Variants in MARCHF5 observed in about 807,000 individuals in gnomAD.
MARCHF5 encodes the protein membrane associated ring-CH-type finger 5.
Under a neutral mutation model 36.5 loss-of-function variants are expected in MARCHF5, and 5 were observed. The ratio of observed to expected loss-of-function variants is 0.14; its 90% CI spans 0.07 to 0.29. MARCHF5 has a LOEUF of 0.29. Among genes scored for constraint, MARCHF5 ranks in the 10% least tolerant of loss-of-function variants. The pLI is 1.00. For missense variants in MARCHF5, 179 were observed against 336.3 expected (o/e 0.53, Z 3.66); for synonymous variants, 103 against 109.9 (o/e 0.94, Z 0.39).
intron 1 of MARCHF5, among the ~76,000 whole-genome samples, chr10:92,310,461 T>G (rs911117804): frequency 2.0e-5 from 3 of 152,136 alleles, no homozygotes; most frequent in African/African-American, 7.2e-5. Flanking sequence ...CTCAATAGAA[T>G]TTTATTTTTA....
chr10:92,333,197 C>T (rs146978607), intron 2 of MARCHF5, among the ~76,000 whole-genome samples: 79 of 150,588 alleles, frequency 5.2e-4, no homozygotes, highest in African/African-American at 1.2e-3. Flanking sequence ...AAAAAATTCA[C>T]GTTTGTTGGC....
chr10:92,295,977 G>A (rs911493038), intron 1 of MARCHF5, among the ~76,000 whole-genome samples: 1 of 151,734 alleles, frequency 6.6e-6, no homozygotes, highest in Admixed American at 6.6e-5. Context: ...TCGGGTTCGC[G>A]TGATTCTCCT....
chr10:92,291,633 G>A (rs1842867201), intron 1 of MARCHF5, 104 bp downstream of exon 1: 2 of 1,416,186 alleles, frequency 1.4e-6, no homozygotes, highest in African/African-American at 3.0e-5. Flanking sequence ...CGTGCCGGGA[G>A]GAGTTCCACG....
chr10:92,322,244 C>CAA lies in MARCHF5; in HGVS notation c.238+10934_238+10935dup, dbSNP rs56391697. ...GGGCAACAAGAGCGAAACTCCGTCT[C>CAA]AAAAAAAAAAAAAAAAAAAAAAAAA... On this transcript the variant is annotated intron_variant, in intron 2 of 5. Transcript: ENST00000358935. Among the ~76,000 whole-genome samples the CAA allele has an allele frequency of 2.7e-3, 75 of 27,750 alleles. 5 individuals carry two copies. The highest frequency in any genetic ancestry group is 3.7e-3 in the Admixed American group (6 of 1,612). The allele number at this position is 27,750 out of a possible 152,430, so 18.2% of individuals were successfully genotyped here.
chr10:92,313,387 G>A (rs1397233521), intron 2 of MARCHF5, among the ~76,000 whole-genome samples: 3 of 150,604 alleles, frequency 2.0e-5, no homozygotes, highest in Non-Finnish European at 4.4e-5. Context: ...GGCAGATCAC[G>A]AGGTCAGGAG....
rs762951260 is a variant in MARCHF5 at position 92,311,195 on chromosome 10, A to G, written c.96A>G (p.Pro32=). ...EDDRTAEWVR[P]CRCRGSTKWV... is the part of the protein sequence containing the mutation. ...ATAGAACAGCTGAATGGGTGAGACC[A>G]TGCAGGTGCAGAGGATCTACAAAAT... The change falls in exon 2 of 6, where the codon CCA becomes CCG. Residue 32 remains proline, a synonymous_variant. Transcript: ENST00000358935. 3 of 1,614,182 alleles carry G rather than the reference A, an allele frequency of 1.9e-6. No homozygotes were observed. Among genetic ancestry groups the G allele is most frequent in the Non-Finnish European group, 2.5e-6 (3 of 1,180,018 alleles).
intron 2 of MARCHF5, among the ~76,000 whole-genome samples, chr10:92,331,817 C>CATAT (rs1321229175): frequency 6.7e-6 from 1 of 148,516 alleles, no homozygotes; most frequent in East Asian, 1.9e-4. Context: ...ATAGATATAG[C>CATAT]ATATATAACT....
At chr10:92,335,947 C>T (rs967825602) in intron 2 of MARCHF5, among the ~76,000 whole-genome samples, 1 of 152,194 alleles carries the variant, frequency 6.6e-6, no homozygotes, top group Non-Finnish European at 1.5e-5. Flanking sequence ...CAAGACAATT[C>T]AGTTCAACAA....
chr10:92,331,951 G>A lies in MARCHF5; in HGVS notation c.239-8722G>A, dbSNP rs969750860. Among the ~76,000 whole-genome samples the A allele has an allele frequency of 3.6e-5, 5 of 138,684 alleles. No individual in the cohort carries two copies. The South Asian group carries it at 6.7e-4, about 19-fold the overall frequency. The allele number at this position is 138,684 out of a possible 152,430, so 91.0% of individuals were successfully genotyped here. A position where few individuals can be genotyped will look rare whatever the true frequency, so the allele number is the denominator to read the frequency against. On this transcript the variant is annotated intron_variant, in intron 2 of 5. Coordinates refer to ENST00000358935, the MANE Select transcript of MARCHF5 (RefSeq NM_017824.5). ...TATGTATATATAATCGTATATATAT[G>A]TATATATATAATCGTATATATATAT...
At chr10:92,311,387 T>C (rs1564945299) in intron 2 of MARCHF5, 50 bp downstream of exon 2, 1 of 1,269,084 alleles carries the variant, frequency 7.9e-7, no homozygotes. Flanking sequence ...TTATTATATA[T>C]AACTTTATAA....
chr10:92,292,855 G>A (rs1298249296), intron 1 of MARCHF5, among the ~76,000 whole-genome samples: 1 of 152,138 alleles, frequency 6.6e-6, no homozygotes, highest in Admixed American at 6.5e-5. Flanking sequence ...AGTATTTGTT[G>A]TATGAACTAA....
At chr10:92,333,216 A>G (rs1438717200) in intron 2 of MARCHF5, among the ~76,000 whole-genome samples, 1 of 151,274 alleles carries the variant, frequency 6.6e-6, no homozygotes, top group Non-Finnish European at 1.5e-5. Context: ...GCTTGGGACC[A>G]TATAATTAAT....
intron 1 of MARCHF5, among the ~76,000 whole-genome samples, chr10:92,303,892 AT>A (rs1843044135): frequency 1.3e-5 from 2 of 152,134 alleles, no homozygotes. Flanking sequence ...AATGACAGTG[AT>A]TTGTTCTTTG....
intron 2 of MARCHF5, among the ~76,000 whole-genome samples, chr10:92,328,821 A>ATATATATATATATATATATATATTTTT (rs372130854): frequency 8.2e-6 from 1 of 122,444 alleles, no homozygotes; most frequent in African/African-American, 3.2e-5. Context: ...ATATATATAT[A>ATATATATATATATATATATATATTTTT]TTTTTTTTTT....
intron 2 of MARCHF5, among the ~76,000 whole-genome samples, chr10:92,312,115 C>T (rs979350873): frequency 6.6e-6 from 1 of 151,996 alleles, no homozygotes; most frequent in Admixed American, 6.6e-5. Flanking sequence ...AGCTTGGGTT[C>T]TGGGAAGGTC....
intron 1 of MARCHF5, among the ~76,000 whole-genome samples, chr10:92,301,009 C>A (rs1036201109): frequency 4.0e-5 from 6 of 151,832 alleles, no homozygotes; most frequent in African/African-American, 1.5e-4. Flanking sequence ...CTTCAGCCTC[C>A]CAAGTAGCTG....
intron 2 of MARCHF5, among the ~76,000 whole-genome samples, chr10:92,315,052 A>C (rs1843193478): frequency 6.6e-6 from 1 of 152,240 alleles, no homozygotes; most frequent in South Asian, 2.1e-4. Flanking sequence ...GCTGCACACA[A>C]AGCTAGTGCT....
chr10:92,321,894 A>G (rs1564948523), intron 2 of MARCHF5, among the ~76,000 whole-genome samples: 1 of 151,904 alleles, frequency 6.6e-6, no homozygotes, highest in African/African-American at 2.4e-5. Context: ...CCCTTCCTTA[A>G]TTCATGATTT....
intron 2 of MARCHF5, among the ~76,000 whole-genome samples, chr10:92,337,440 G>C (rs1290753665): frequency 6.6e-6 from 1 of 152,038 alleles, no homozygotes; most frequent in African/African-American, 2.4e-5. Flanking sequence ...CTTGAACCCA[G>C]GAGGCAAGAG....
Sources: allele counts gnomAD v4.1 joint callset (sites outside exome capture counted in the v4.1 genomes callset), GRCh38; gene constraint gnomAD v4.1.1; transcripts MANE v1.5; gene names NCBI Gene and HGNC (gene_info 2026-07-23, HGNC 2026-07-21).